PHLPP1: variants seen among roughly 807,000 people sequenced by gnomAD.
PHLPP1 encodes PH domain and leucine rich repeat protein phosphatase 1, also known as PH domain leucine-rich repeat-containing protein phosphatase 1.
PHLPP1 carries 42 observed loss-of-function variants against 117.2 expected under a neutral mutation model. That is an observed-to-expected ratio of 0.36 (90% CI 0.28 to 0.46). PHLPP1 has a LOEUF of 0.46. PHLPP1 is among the 20% of genes least tolerant of loss of function. The probability of loss-of-function intolerance (pLI) is 1.00; values close to 1 mark genes in which losing one functional copy is unlikely to be tolerated. For synonymous variants in PHLPP1, 1,042 were observed against 970.7 expected, an observed-to-expected ratio of 1.07 and a Z score of -1.37; for missense variants, 2,084 against 2,241.9, an observed-to-expected ratio of 0.93 and a Z score of 1.42.
At chr18:62,737,427 G>A (rs1309089940) in intron 1 of PHLPP1, among the ~76,000 whole-genome samples, 1 of 152,196 alleles carries the variant, frequency 6.6e-6, no homozygotes, top group African/African-American at 2.4e-5. Context: ...GTAGTCTTTG[G>A]CATTAACTGG....
At chr18:62,729,967 C>T (rs1243117587) in intron 1 of PHLPP1, among the ~76,000 whole-genome samples, 6 of 152,124 alleles carry the variant, frequency 3.9e-5, no homozygotes, top group Non-Finnish European at 8.8e-5. Flanking sequence ...TCACAACAAC[C>T]GTATGAGGTA....
At chr18:62,802,077 G>C (rs1319046293) in intron 1 of PHLPP1, among the ~76,000 whole-genome samples, 3 of 152,002 alleles carry the variant, frequency 2.0e-5, no homozygotes, top group East Asian at 1.9e-4. Flanking sequence ...GTGTATGTGA[G>C]CACCCAGAGG....
chr18:62,789,809 A>G (rs574220554), intron 1 of PHLPP1, among the ~76,000 whole-genome samples: 226 of 152,334 alleles, frequency 1.5e-3, no homozygotes, highest in African/African-American at 5.3e-3. Context: ...CCAATTTAAT[A>G]TATACATATA....
chr18:62,816,989 T>C (rs927546533), intron 1 of PHLPP1, among the ~76,000 whole-genome samples: 1 of 152,218 alleles, frequency 6.6e-6, no homozygotes, highest in African/African-American at 2.4e-5. Flanking sequence ...TTGCCCAGGC[T>C]AGAGTGCAGT....
intron 1 of PHLPP1, among the ~76,000 whole-genome samples, chr18:62,752,870 G>A (rs1257158878): frequency 1.3e-5 from 2 of 152,200 alleles, no homozygotes; most frequent in African/African-American, 4.8e-5. Context: ...AAATCAAACA[G>A]CTTGTCAAAT....
chr18:62,969,134 T>G (rs1353590282), intron 14 of PHLPP1, among the ~76,000 whole-genome samples: 1 of 152,122 alleles, frequency 6.6e-6, no homozygotes, highest in Non-Finnish European at 1.5e-5. Flanking sequence ...CTTAAACTCC[T>G]GGCCTCAAGC....
chr18:62,816,854 T>C (rs369470268), intron 1 of PHLPP1, among the ~76,000 whole-genome samples: 20 of 152,330 alleles, frequency 1.3e-4, no homozygotes, highest in South Asian at 1.0e-3. Context: ...TCTGCCATAT[T>C]TTGCGAAAGT....
chr18:62,977,934 T>G (rs1911239500), intron 16 of PHLPP1, among the ~76,000 whole-genome samples: 1 of 152,230 alleles, frequency 6.6e-6, no homozygotes. Context: ...CCAGCTATGC[T>G]TGCTGTGTAA....
chr18:62,829,479 T>C (rs535277401), intron 1 of PHLPP1, among the ~76,000 whole-genome samples: 6 of 152,334 alleles, frequency 3.9e-5, no homozygotes, highest in African/African-American at 1.4e-4. Context: ...AACCCAGGCG[T>C]GGTGGCTCAC....
At chr18:62,796,337 A>C (rs1302448231) in intron 1 of PHLPP1, among the ~76,000 whole-genome samples, 1 of 152,232 alleles carries the variant, frequency 6.6e-6, no homozygotes, top group Non-Finnish European at 1.5e-5. Context: ...TAAGACAGAG[A>C]GGTCAGTAGA....
chr18:62,914,892 C>G (rs750470562), intron 8 of PHLPP1, 21 bp from the exon 9 acceptor site: 1 of 1,572,922 alleles, frequency 6.4e-7, no homozygotes, highest in Non-Finnish European at 8.7e-7. Flanking sequence ...CAACCAATTA[C>G]TTTTATGTTC....
chr18:62,966,465 ATTTT>A (rs3087157), intron 14 of PHLPP1, among the ~76,000 whole-genome samples: 2 of 109,046 alleles, frequency 1.8e-5, no homozygotes, highest in Non-Finnish European at 1.7e-5. Flanking sequence ...AGTTCTACAA[ATTTT>A]TTTTTTTTTT....
chr18:62,968,263 A>G (rs745656748), intron 14 of PHLPP1, among the ~76,000 whole-genome samples: 1 of 152,216 alleles, frequency 6.6e-6, no homozygotes, highest in Non-Finnish European at 1.5e-5. Context: ...CTGGCCTCAT[A>G]GAATGAGTTG....
chr18:62,872,300 C>G (rs1388461686), intron 4 of PHLPP1, among the ~76,000 whole-genome samples: 1 of 152,206 alleles, frequency 6.6e-6, no homozygotes, highest in African/African-American at 2.4e-5. Flanking sequence ...ACAGAATTGT[C>G]TTAGCCTCCA....
intron 4 of PHLPP1, among the ~76,000 whole-genome samples, chr18:62,867,066 C>T (rs748646216): frequency 6.6e-6 from 1 of 151,970 alleles, no homozygotes; most frequent in Non-Finnish European, 1.5e-5. Context: ...AAGCCTTTTT[C>T]CTTCATCAAA....
At chr18:62,940,824 G>T (rs895237747) in intron 10 of PHLPP1, among the ~76,000 whole-genome samples, 1 of 152,212 alleles carries the variant, frequency 6.6e-6, no homozygotes, top group Non-Finnish European at 1.5e-5. Context: ...GAGCACACTT[G>T]TGTAACCAGC....
intron 1 of PHLPP1, 59 bp from the exon 2 acceptor site, chr18:62,829,976 G>A (rs1333581119): frequency 4.8e-6 from 6 of 1,248,528 alleles, no homozygotes; most frequent in Non-Finnish European, 6.8e-6. Context: ...CTGCTATGTA[G>A]ATGAGTAGGA....
intron 12 of PHLPP1, among the ~76,000 whole-genome samples, chr18:62,956,976 T>C (rs1247627918): frequency 6.6e-6 from 1 of 152,212 alleles, no homozygotes; most frequent in Non-Finnish European, 1.5e-5. Context: ...TGTCCACTTT[T>C]AAGATCCTGA....
At chr18:62,823,669 G>T (rs1308197400) in intron 1 of PHLPP1, among the ~76,000 whole-genome samples, 1 of 151,026 alleles carries the variant, frequency 6.6e-6, no homozygotes, top group Admixed American at 6.6e-5. Context: ...TTTATGTTAA[G>T]AATATGTAAA....
Sources: gnomAD v4.1 joint callset for allele counts (sites outside exome capture counted in the v4.1 genomes callset) on GRCh38, gnomAD v4.1.1 for gene constraint, MANE v1.5 for transcripts, NCBI Gene and HGNC (gene_info 2026-07-23, HGNC 2026-07-21) for gene names.